Variants in KCNIP1 observed in about 807,000 individuals in gnomAD.
KCNIP1 encodes potassium voltage-gated channel interacting protein 1, also known as A-type potassium channel modulatory protein KCNIP1.
A neutral mutation model predicts 33.0 loss-of-function variants in KCNIP1; 18 were observed. That is an observed-to-expected ratio of 0.55 (90% confidence interval 0.38 to 0.81). The LOEUF (loss-of-function observed/expected upper bound fraction) is 0.81. KCNIP1 is among the 30% of genes least tolerant of loss of function. The probability of loss-of-function intolerance (pLI) is 0.00; values close to 1 mark genes in which losing one functional copy is unlikely to be tolerated. For synonymous variants in KCNIP1, 93 were observed against 98.3 expected (o/e 0.95, Z 0.32); for missense variants, 238 against 271.6 (o/e 0.88, Z 0.87).
chr5:170,504,381 T>G lies in KCNIP1; in HGVS notation c.-192T>G. On this transcript the variant is annotated 5_prime_UTR_variant, in exon 1 of 8. An upstream start codon of the reference 5' UTR is lost. Transcript: ENST00000328939. The surrounding 1 kb of genome is among the most constrained non-coding windows in gnomAD (Gnocchi z 6.0). ...GAGCGGCTAGCCCTGAGTCCCTGCA[T>G]GTGCGGGGCTGAAGAAGGAAGCCAG... 1 of 1,432,528 alleles carries G rather than the reference T, an allele frequency of 7.0e-7. No homozygotes were observed. The allele number at this position is 1,432,528 out of a possible 1,614,324, so 88.7% of individuals were successfully genotyped here.
At position 170,409,725 on chromosome 5, in the gene KCNIP1, T is replaced by C. The variant is rs1033858650; in HGVS notation, c.88+55761T>C. On this transcript the variant is annotated intron_variant, in intron 1 of 7. Transcript: ENST00000377360. ...ACAGCAGGGTGTCTTATGCCAGTTC[T>C]ACAAAGTATTCACATGGGCGAGGCC... 7.2e-5 allele frequency among the ~76,000 whole-genome samples: 11 copies of C among 152,196 alleles called. 1 individual carries two copies. The highest frequency in any genetic ancestry group is 6.5e-4 in the Admixed American group (10 of 15,290).
At chr5:170,686,644 C>A (rs1206002619) in intron 1 of KCNIP1, among the ~76,000 whole-genome samples, 1 of 152,208 alleles carries the variant, frequency 6.6e-6, no homozygotes, top group East Asian at 1.9e-4. Context: ...CCACAGCTGA[C>A]CCCGGCCTGT....
At chr5:170,689,248 T>C (rs1453917317) in intron 1 of KCNIP1, among the ~76,000 whole-genome samples, 1 of 152,204 alleles carries the variant, frequency 6.6e-6, no homozygotes, top group Non-Finnish European at 1.5e-5. Context: ...ATGCTGGAGA[T>C]ACAAAGATGC....
intron 1 of KCNIP1, among the ~76,000 whole-genome samples, chr5:170,483,609 G>A (rs1757023332): frequency 6.6e-6 from 1 of 152,164 alleles, no homozygotes; most frequent in African/African-American, 2.4e-5. Context: ...ATTTGGGTTG[G>A]TTAAATCCCC....
chr5:170,446,424 A>G (rs1756118663), intron 1 of KCNIP1, among the ~76,000 whole-genome samples: 1 of 152,072 alleles, frequency 6.6e-6, no homozygotes, highest in Non-Finnish European at 1.5e-5. Flanking sequence ...CAAAAAAAAA[A>G]AAAATCACAG....
chr5:170,378,868 C>CG (rs1561593144), intron 1 of KCNIP1: 1 of 1,614,236 alleles, frequency 6.2e-7, no homozygotes, highest in Non-Finnish European at 8.5e-7. Flanking sequence ...CCCCGAGGTG[C>CG]GGAGAAGCAG....
At chr5:170,697,078 C>T (rs1762923226) in intron 1 of KCNIP1, among the ~76,000 whole-genome samples, 2 of 151,906 alleles carry the variant, frequency 1.3e-5, no homozygotes, top group African/African-American at 4.8e-5. Flanking sequence ...CCCTCTCTCT[C>T]GCTGTCTCAC....
intron 1 of KCNIP1, among the ~76,000 whole-genome samples, chr5:170,565,706 G>A (rs1434695617): frequency 6.6e-6 from 1 of 152,170 alleles, no homozygotes; most frequent in African/African-American, 2.4e-5. Flanking sequence ...GAAAAACTAG[G>A]ATTTTTAAAA....
intron 1 of KCNIP1, chr5:170,680,754 T>A (rs1581491315): frequency 8.6e-6 from 2 of 231,386 alleles, no homozygotes; most frequent in East Asian, 1.6e-4. Flanking sequence ...GAATATGCCA[T>A]GAGATGTTGC....
intron 1 of KCNIP1, among the ~76,000 whole-genome samples, chr5:170,656,940 C>A (rs1183749477): frequency 2.0e-5 from 3 of 152,072 alleles, no homozygotes; most frequent in Non-Finnish European, 4.4e-5. Flanking sequence ...TCTGGCTGAC[C>A]ATGTGCACAG....
At chr5:170,563,610 T>C (rs926151257) in intron 1 of KCNIP1, among the ~76,000 whole-genome samples, 3 of 148,058 alleles carry the variant, frequency 2.0e-5, no homozygotes, top group Non-Finnish European at 3.0e-5. Context: ...ATGGGAGGTA[T>C]GTGCTAGTTT....
At chr5:170,705,166 T>G (rs1483257747) in intron 1 of KCNIP1, among the ~76,000 whole-genome samples, 1 of 152,222 alleles carries the variant, frequency 6.6e-6, no homozygotes, top group African/African-American at 2.4e-5. Flanking sequence ...TGAATAACCT[T>G]TCCCCAAAAG....
chr5:170,588,890 C>T (rs570814359), intron 1 of KCNIP1, among the ~76,000 whole-genome samples: 1 of 151,974 alleles, frequency 6.6e-6, no homozygotes, highest in East Asian at 1.9e-4. Flanking sequence ...TTAGGCAAGT[C>T]GCTTCCCCTC....
chr5:170,617,297 C>T (rs966205247), intron 1 of KCNIP1, among the ~76,000 whole-genome samples: 1 of 151,916 alleles, frequency 6.6e-6, no homozygotes, highest in African/African-American at 2.4e-5. Context: ...CAGATAGGGA[C>T]ACAGCAGAAA....
intron 5 of KCNIP1, among the ~76,000 whole-genome samples, chr5:170,730,783 G>C (rs551300023): frequency 6.6e-6 from 1 of 151,824 alleles, no homozygotes; most frequent in South Asian, 2.1e-4. Flanking sequence ...GATTGGGAAA[G>C]AGAAAATACA....
rs1403397748 is a variant in KCNIP1 at position 170,733,825 on chromosome 5, A to T, written c.541-11A>T. On this transcript the variant is annotated splice_polypyrimidine_tract_variant and intron_variant, in intron 6 of 7. Coordinates refer to ENST00000328939, the MANE Select transcript of KCNIP1 (RefSeq NM_014592.4). ...CAGATTCTGTAAAGTGCTTTCTGTT[A>T]TGTCTTTCAGAAAATGGACAAAAAT... The T allele has an allele frequency of 2.5e-6, 4 of 1,609,824 alleles. No homozygotes were observed. The highest frequency in any genetic ancestry group is 1.3e-5 in the African/African-American group (1 of 74,978).
intron 1 of KCNIP1, among the ~76,000 whole-genome samples, chr5:170,360,834 G>A (rs1422347020): frequency 6.6e-6 from 1 of 152,238 alleles, no homozygotes; most frequent in Non-Finnish European, 1.5e-5. Flanking sequence ...AGCCGAGGAA[G>A]GAAGGTTGAA....
At chr5:170,702,262 G>T (rs561978606) in intron 1 of KCNIP1, among the ~76,000 whole-genome samples, 1 of 152,160 alleles carries the variant, frequency 6.6e-6, no homozygotes, top group Non-Finnish European at 1.5e-5. Flanking sequence ...TGAAAAGAAC[G>T]TTAGATTACT....
At chr5:170,463,147 A>T (rs1756542200) in intron 1 of KCNIP1, among the ~76,000 whole-genome samples, 2 of 152,220 alleles carry the variant, frequency 1.3e-5, no homozygotes, top group Non-Finnish European at 2.9e-5. Flanking sequence ...TAAAATTTTA[A>T]AACTACCAAA....
Sources: allele counts gnomAD v4.1 joint callset (sites outside exome capture counted in the v4.1 genomes callset), GRCh38; gene constraint gnomAD v4.1.1; non-coding constraint Gnocchi (gnomAD v3.1); transcripts MANE v1.5; gene names NCBI Gene and HGNC (gene_info 2026-07-23, HGNC 2026-07-21).